PRR14L: variants seen among roughly 807,000 people sequenced by gnomAD.
PRR14L encodes the protein proline rich 14 like.
A neutral mutation model predicts 155.0 loss-of-function variants in PRR14L; 80 were observed. That is an observed-to-expected ratio of 0.52 (90% CI 0.43 to 0.62). PRR14L has a LOEUF of 0.62. Among genes scored for constraint, PRR14L ranks in the 20% least tolerant of loss-of-function variants. PRR14L has a pLI of 0.00. For missense variants in PRR14L, 2,469 were observed against 2,548.0 expected (o/e 0.97, Z 0.67); for synonymous variants, 883 against 916.0 (o/e 0.96, Z 0.65).
At chr22:31,737,528 C>T (rs183964967) in intron 2 of PRR14L, among the ~76,000 whole-genome samples, 3 of 151,734 alleles carry the variant, frequency 2.0e-5, no homozygotes, top group African/African-American at 7.3e-5. Context: ...TGGCTCACAC[C>T]TGTAATCCCA....
chr22:31,685,401 G>T lies in PRR14L; in HGVS notation c.*126C>A, dbSNP rs1475299368. The T allele has an allele frequency of 9.4e-6, 7 of 741,858 alleles. No individual in the cohort carries two copies. Among genetic ancestry groups the T allele is most frequent in the African/African-American group, 3.6e-5 (2 of 55,482 alleles). 46.0% of individuals were successfully genotyped at this position (741,858 alleles called of 1,614,324 possible). ...AAAAATTCATGGACTGTGCATTTTT[G>T]AGTGGTTTGGCGGTAGGGCAAAATT... On this transcript the variant is annotated 3_prime_UTR_variant, in exon 9 of 9. Transcript: ENST00000327423.
intron 1 of PRR14L, among the ~76,000 whole-genome samples, chr22:31,747,304 G>C (rs2074843961): frequency 6.7e-6 from 1 of 148,724 alleles, no homozygotes; most frequent in Non-Finnish European, 1.5e-5. Flanking sequence ...AGTAAAGATG[G>C]AGTTTCTCCA....
chr22:31,701,028 C>T (rs2147856891), intron 7 of PRR14L, among the ~76,000 whole-genome samples: 1 of 150,970 alleles, frequency 6.6e-6, no homozygotes, highest in Admixed American at 6.6e-5. Context: ...GCTCTTGTTG[C>T]CTAGGCTGGA....
intron 2 of PRR14L, among the ~76,000 whole-genome samples, chr22:31,726,086 T>C (rs1473986332): frequency 1.3e-5 from 2 of 152,088 alleles, no homozygotes; most frequent in Admixed American, 1.3e-4. Flanking sequence ...TAAAAATTTC[T>C]ACTTATCTAG....
chr22:31,716,616 T>G lies in PRR14L; in HGVS notation c.1223A>C (p.Glu408Ala), dbSNP rs139338965. The change falls in exon 4 of 9, where the codon GAA (glutamate) becomes GCA (alanine). Residue 408 changes from glutamate (E) to alanine (A), a missense_variant. Transcript: ENST00000327423. ...NEERLLIPRS[E>A]RGGPFLFNAR... ...ATTAAAAAGAAAAGGTCCACCTCTT[T>G]CACTCCTAGGAATCAAAAGCCGTTC... The G allele has an allele frequency of 7.8e-5, 121 of 1,551,880 alleles. 2 individuals carry two copies. In the African/African-American group the frequency reaches 1.2e-3, roughly 16 times the overall value.
In PRR14L at chr22:31,684,318, T is replaced by A. The variant is rs1015099083; in HGVS notation, c.*1209A>T. 6.6e-6 allele frequency: 1 copy of A among 152,110 alleles called. No individual in the cohort carries two copies. The highest frequency in any genetic ancestry group is 2.4e-5 in the African/African-American group (1 of 41,396). The allele number at this position is 152,110 out of a possible 1,614,324, so 9.4% of individuals were successfully genotyped here. Reference sequence around the variant, plus strand: ...GAAGGCTGGCTGGGGATTTTTGAGATCCCACTGCAGGAACACATCTCTGGG... The same window carrying A: ...GAAGGCTGGCTGGGGATTTTTGAGAACCCACTGCAGGAACACATCTCTGGG... On this transcript the variant is annotated 3_prime_UTR_variant, in exon 9 of 9. Transcript: ENST00000327423.
At chr22:31,686,370 T>C (rs973411956) in intron 8 of PRR14L, among the ~76,000 whole-genome samples, 3 of 151,546 alleles carry the variant, frequency 2.0e-5, no homozygotes, top group Admixed American at 6.6e-5. Context: ...GGCTTCCCAG[T>C]GCTGGGATTA....
intron 1 of PRR14L, among the ~76,000 whole-genome samples, chr22:31,745,938 G>T (rs1338020571): frequency 6.6e-6 from 1 of 150,702 alleles, no homozygotes; most frequent in African/African-American, 2.4e-5. Context: ...TCTGTATGTT[G>T]AACTTTTTTT....
At chr22:31,689,166 G>A (rs558142959) in intron 7 of PRR14L, among the ~76,000 whole-genome samples, 111 of 152,228 alleles carry the variant, frequency 7.3e-4, no homozygotes, top group Non-Finnish European at 1.3e-3. Context: ...AGTCTCATCT[G>A]TGGCCAGAGG....
intron 5 of PRR14L, 69 bp downstream of exon 5, chr22:31,704,586 T>C: frequency 7.8e-7 from 1 of 1,289,032 alleles, no homozygotes; most frequent in African/African-American, 1.5e-5. Context: ...ACACCACCTA[T>C]GTATGCACTC....
Position 31,714,510 on chromosome 22 carries a change from C to G in PRR14L, c.3329G>C (p.Gly1110Ala), listed in dbSNP as rs1569498777. 2 of 1,552,032 alleles carry G rather than the reference C, an allele frequency of 1.3e-6. No homozygotes were observed. The highest frequency in any genetic ancestry group is 3.9e-5 in the Admixed American group (2 of 50,974). ...ELDAAHTGTTGQDSDFPVTAA... is the reference protein window; with the variant it reads ...ELDAAHTGTTAQDSDFPVTAA... ...AGTAACTGGGAAATCTGAATCCTGA[C>G]CAGTTGTTCCTGTATGTGCAGCATC... The change falls in exon 4 of 9, where the codon GGT (glycine) becomes GCT (alanine). Residue 1110 changes from glycine (G) to alanine (A), a missense_variant. Around this residue, in one of 2 missense-constraint regions of PRR14L, gnomAD observed 2,363 missense variants for 2,371.6 expected, o/e 1.00. Coordinates refer to ENST00000327423, the MANE Select transcript of PRR14L (RefSeq NM_173566.3).
At chr22:31,738,231 T>C (rs144404925) in intron 2 of PRR14L, among the ~76,000 whole-genome samples, 156 bp downstream of exon 2, 11 of 152,330 alleles carry the variant, frequency 7.2e-5, no homozygotes, top group African/African-American at 2.4e-4. Flanking sequence ...GTGACATAAA[T>C]GTTTTAAAAG....
intron 7 of PRR14L, among the ~76,000 whole-genome samples, chr22:31,698,083 G>A (rs2074544330): frequency 6.8e-6 from 1 of 148,068 alleles, no homozygotes; most frequent in African/African-American, 2.5e-5. Context: ...GAGATGGAGT[G>A]GCTCAATCAT....
rs150523878 is a variant in PRR14L, at chr22:31,717,311, C to A, written c.548-20G>T. On this transcript the variant is annotated intron_variant, in intron 3 of 8. Transcript: ENST00000327423. ...TTCCTTCTGAATAAGAGAAATAAAT[C>A]CAAATTAATATGCAGTAATAAAAAA... 2.0e-6 allele frequency: 3 copies of A among 1,509,800 alleles called. No homozygotes were observed. The African/African-American group carries it at 4.2e-5, about 21-fold the overall frequency. 93.5% of individuals were successfully genotyped at this position (1,509,800 alleles called of 1,614,324 possible).
At chr22:31,746,933 A>G (rs1342651772) in intron 1 of PRR14L, among the ~76,000 whole-genome samples, 1 of 151,018 alleles carries the variant, frequency 6.6e-6, no homozygotes, top group East Asian at 1.9e-4. Flanking sequence ...AGTAGCTGGG[A>G]CTACAGGTGC....
chr22:31,708,868 C>T (rs2074605787), intron 4 of PRR14L, among the ~76,000 whole-genome samples: 1 of 152,066 alleles, frequency 6.6e-6, no homozygotes, highest in Non-Finnish European at 1.5e-5. Context: ...CTCTTGTTGC[C>T]TAGGCTGGAG....
At chr22:31,733,090 C>T (rs1439195859) in intron 2 of PRR14L, among the ~76,000 whole-genome samples, 1 of 150,522 alleles carries the variant, frequency 6.6e-6, no homozygotes, top group Non-Finnish European at 1.5e-5. Flanking sequence ...TGGGTTCAAA[C>T]TATTCTCCTG....
chr22:31,694,219 A>G (rs1347857539), intron 7 of PRR14L, among the ~76,000 whole-genome samples: 1 of 152,166 alleles, frequency 6.6e-6, no homozygotes, highest in African/African-American at 2.4e-5. Context: ...AGAGGTTGCG[A>G]TGAGCCAAGA....
chr22:31,701,495 T>C (rs146620596), intron 7 of PRR14L, among the ~76,000 whole-genome samples, 161 bp downstream of exon 7: 42 of 152,342 alleles, frequency 2.8e-4, no homozygotes, highest in African/African-American at 9.9e-4. Flanking sequence ...AAAATGTCCT[T>C]GCTTATAAAT....
Sources: allele counts gnomAD v4.1 joint callset (sites outside exome capture counted in the v4.1 genomes callset), GRCh38; gene constraint gnomAD v4.1.1; regional missense constraint gnomAD v4.1.1; transcripts MANE v1.5; gene names NCBI Gene and HGNC (gene_info 2026-07-23, HGNC 2026-07-21).